Variants in LDLRAD3 observed in about 807,000 individuals in gnomAD.
LDLRAD3 encodes the protein low-density lipoprotein receptor class A domain-containing protein 3.
LDLRAD3 carries 20 observed loss-of-function variants against 29.4 expected under a neutral mutation model. That is an observed-to-expected ratio of 0.68 (90% CI 0.48 to 0.99). The LOEUF is 0.99. Ranked by LOEUF, LDLRAD3 falls within the 50% of genes least tolerant of loss-of-function variation. LDLRAD3 has a pLI of 0.00. For synonymous variants in LDLRAD3, 157 were observed against 192.7 expected (o/e 0.81, Z 1.53); for missense variants, 420 against 454.3 (o/e 0.92, Z 0.69).
intron 2 of LDLRAD3, among the ~76,000 whole-genome samples, chr11:36,067,030 G>A (rs534044966): frequency 3.3e-5 from 5 of 152,294 alleles, no homozygotes; most frequent in Admixed American, 1.3e-4. Context: ...GCCATAACCT[G>A]TTTCAACTCT....
intron 1 of LDLRAD3, among the ~76,000 whole-genome samples, chr11:36,005,120 G>A (rs1223108008): frequency 6.6e-6 from 1 of 152,208 alleles, no homozygotes; most frequent in African/African-American, 2.4e-5. Context: ...CTGCAGCAGG[G>A]TTGAATTTCT....
intron 4 of LDLRAD3, among the ~76,000 whole-genome samples, chr11:36,225,093 G>C (rs958588102): frequency 3.9e-5 from 6 of 152,166 alleles, no homozygotes; most frequent in African/African-American, 1.2e-4. Context: ...CACACCTAGT[G>C]ATGAGGGATG....
intron 4 of LDLRAD3, among the ~76,000 whole-genome samples, chr11:36,180,492 C>T (rs184290361): frequency 6.6e-6 from 1 of 152,242 alleles, no homozygotes; most frequent in East Asian, 1.9e-4. Context: ...CTCAAGGAGG[C>T]CTGCGAGGAG....
chr11:36,066,608 T>A (rs914980493), intron 2 of LDLRAD3, among the ~76,000 whole-genome samples: 2 of 152,220 alleles, frequency 1.3e-5, no homozygotes, highest in Non-Finnish European at 2.9e-5. Context: ...ACATTATAAT[T>A]TCCTAATCCC....
At chr11:35,980,283 C>A (rs1851524437) in intron 1 of LDLRAD3, among the ~76,000 whole-genome samples, 1 of 152,160 alleles carries the variant, frequency 6.6e-6, no homozygotes, top group Non-Finnish European at 1.5e-5. Context: ...AAAAGAATTA[C>A]TGTGCTGGCA....
intron 4 of LDLRAD3, among the ~76,000 whole-genome samples, chr11:36,118,613 G>A (rs1853708346): frequency 6.6e-6 from 1 of 152,058 alleles, no homozygotes; most frequent in Admixed American, 6.6e-5. Flanking sequence ...TGGGGGTCCT[G>A]AGCACCACTA....
At chr11:36,192,887 G>A (rs974507314) in intron 4 of LDLRAD3, among the ~76,000 whole-genome samples, 1 of 152,168 alleles carries the variant, frequency 6.6e-6, no homozygotes, top group Non-Finnish European at 1.5e-5. Context: ...CATGGACTTT[G>A]GAGCCAAACT....
intron 3 of LDLRAD3, among the ~76,000 whole-genome samples, chr11:36,087,623 T>C (rs1265171417): frequency 1.3e-5 from 2 of 152,222 alleles, no homozygotes; most frequent in East Asian, 3.8e-4. Context: ...AGTTATATTT[T>C]TAAAGAACTT....
chr11:36,130,697 G>A (rs934028444), intron 4 of LDLRAD3, among the ~76,000 whole-genome samples: 1 of 152,196 alleles, frequency 6.6e-6, no homozygotes, highest in Non-Finnish European at 1.5e-5. Flanking sequence ...CTATGTTAAT[G>A]TTAGGTCCTT....
rs141846633 is a variant in LDLRAD3, at chr11:36,214,035, TC to T, written c.455-13047del. Among the ~76,000 whole-genome samples, 1,271 of 152,336 alleles carry T rather than the reference TC, an allele frequency of 8.3e-3. 23 individuals are homozygous for T. Among genetic ancestry groups the T allele is most frequent in the African/African-American group, 0.029 (1,209 of 41,580 alleles). ...CAAGTTGTTCATCCTGATTTTACAG[TC>T]CCAATTTTAATCCCGCTGTCCCTTC... On this transcript the variant is annotated intron_variant, in intron 4 of 5. Coordinates refer to ENST00000315571, the MANE Select transcript of LDLRAD3 (RefSeq NM_174902.4).
chr11:36,118,359 T>C (rs1853702447), intron 4 of LDLRAD3, among the ~76,000 whole-genome samples: 1 of 152,130 alleles, frequency 6.6e-6, no homozygotes, highest in African/African-American at 2.4e-5. Flanking sequence ...ATCATGCTCC[T>C]TGTTAAGGGG....
chr11:35,961,330 G>A (rs561618497), intron 1 of LDLRAD3, among the ~76,000 whole-genome samples: 2 of 152,360 alleles, frequency 1.3e-5, no homozygotes, highest in South Asian at 4.1e-4. Flanking sequence ...GTGTGGGAGA[G>A]TGATGGTTCA....
chr11:36,007,682 G>T (rs1851902261), intron 1 of LDLRAD3, among the ~76,000 whole-genome samples: 1 of 152,188 alleles, frequency 6.6e-6, no homozygotes. Flanking sequence ...TTTATGAGCT[G>T]CATCAGCCCT....
At chr11:36,086,716 A>G (rs1355703582) in intron 3 of LDLRAD3, among the ~76,000 whole-genome samples, 1 of 152,160 alleles carries the variant, frequency 6.6e-6, no homozygotes, top group Non-Finnish European at 1.5e-5. Flanking sequence ...AAATACGGTA[A>G]ACTCGCCACC....
intron 3 of LDLRAD3, among the ~76,000 whole-genome samples, chr11:36,085,691 A>G (rs1330489147): frequency 6.6e-6 from 1 of 152,050 alleles, no homozygotes; most frequent in Non-Finnish European, 1.5e-5. Flanking sequence ...GGCTCACTGC[A>G]GCCTCAACTT....
At chr11:35,979,236 G>A (rs1477385058) in intron 1 of LDLRAD3, among the ~76,000 whole-genome samples, 2 of 152,206 alleles carry the variant, frequency 1.3e-5, no homozygotes, top group African/African-American at 2.4e-5. Context: ...AGTAGGGCCC[G>A]GGCTCCTAGA....
intron 2 of LDLRAD3, among the ~76,000 whole-genome samples, chr11:36,042,116 A>G (rs1206295024): frequency 6.6e-6 from 1 of 152,072 alleles, no homozygotes. Flanking sequence ...GAAATATAAG[A>G]GCAAGAAAGC....
intron 4 of LDLRAD3, among the ~76,000 whole-genome samples, chr11:36,098,989 A>G (rs1295383491): frequency 1.5e-5 from 2 of 131,634 alleles, no homozygotes; most frequent in East Asian, 2.5e-4. Flanking sequence ...CTGCTGCCCT[A>G]TTTTTTTTTT....
chr11:36,225,793 A>C (rs903245144), intron 4 of LDLRAD3, among the ~76,000 whole-genome samples: 1 of 152,164 alleles, frequency 6.6e-6, no homozygotes, highest in Non-Finnish European at 1.5e-5. Context: ...GTACTTGGCC[A>C]GGCACAGTGG....
Sources: gnomAD v4.1 joint callset for allele counts (sites outside exome capture counted in the v4.1 genomes callset) on GRCh38, gnomAD v4.1.1 for gene constraint, MANE v1.5 for transcripts, NCBI Gene and HGNC (gene_info 2026-07-23, HGNC 2026-07-21) for gene names.